RBM6: variants seen among roughly 807,000 people sequenced by gnomAD.
RBM6 encodes the protein RNA binding motif protein 6.
RBM6 carries 23 observed loss-of-function variants against 140.4 expected under a neutral mutation model. The observed-to-expected ratio is 0.16, with a 90% confidence interval of 0.12 to 0.23. RBM6 has a LOEUF of 0.23. Ranked by LOEUF, RBM6 falls within the 10% of genes least tolerant of loss-of-function variation. The probability of loss-of-function intolerance (pLI) is 1.00; values close to 1 mark genes in which losing one functional copy is unlikely to be tolerated. For missense variants in RBM6, 1,139 were observed against 1,386.7 expected (o/e 0.82, Z 2.84); for synonymous variants, 439 against 475.6 (o/e 0.92, Z 1.00).
intron 1 of RBM6, among the ~76,000 whole-genome samples, chr3:49,945,881 C>CAAAAAAAAAA (rs67271820): frequency 2.9e-4 from 18 of 61,852 alleles, no homozygotes; most frequent in East Asian, 1.1e-3. Flanking sequence ...GACTCCATCT[C>CAAAAAAAAAA]AAAAAAAAAA....
intron 6 of RBM6, among the ~76,000 whole-genome samples, chr3:50,019,536 A>G (rs550996117): frequency 1.3e-5 from 2 of 150,852 alleles, no homozygotes; most frequent in South Asian, 2.1e-4. Flanking sequence ...TTTTCTTCCT[A>G]TAGAGATAGG....
At chr3:50,012,292 C>A (rs141251856) in intron 6 of RBM6, among the ~76,000 whole-genome samples, 80 of 152,250 alleles carry the variant, frequency 5.3e-4, no homozygotes, top group Non-Finnish European at 8.7e-4. Context: ...AAGTGATCCT[C>A]CCACCTTGGT....
chr3:49,957,870 C>T (rs1358311511), intron 1 of RBM6, among the ~76,000 whole-genome samples: 13 of 144,480 alleles, frequency 9.0e-5, no homozygotes, highest in African/African-American at 3.1e-4. Context: ...CTCGCTCTTT[C>T]GCCCAGGCTG....
intron 13 of RBM6, 54 bp downstream of exon 13, chr3:50,061,275 ATTAC>A: frequency 6.2e-7 from 1 of 1,611,290 alleles, no homozygotes; most frequent in Non-Finnish European, 8.5e-7. Flanking sequence ...CTTGCTACTC[ATTAC>A]TTGACATCTG....
At chr3:49,984,264 C>T (rs765685989) in intron 5 of RBM6, among the ~76,000 whole-genome samples, 2 of 152,082 alleles carry the variant, frequency 1.3e-5, no homozygotes, top group Non-Finnish European at 2.9e-5. Flanking sequence ...GATCATGCCA[C>T]TGCACTCCAG....
intron 1 of RBM6, among the ~76,000 whole-genome samples, chr3:49,959,763 G>T (rs2084198575): frequency 6.6e-6 from 1 of 151,484 alleles, no homozygotes. Flanking sequence ...GTAGAGACGG[G>T]GTGTCACCAT....
At chr3:49,978,264 G>A (rs1235410541) in intron 5 of RBM6, among the ~76,000 whole-genome samples, 1 of 152,154 alleles carries the variant, frequency 6.6e-6, no homozygotes, top group Admixed American at 6.5e-5. Context: ...TCCTCCCACA[G>A]TGCTGGGATT....
chr3:50,073,632 A>G (rs1027247559), intron 19 of RBM6, among the ~76,000 whole-genome samples: 7 of 152,180 alleles, frequency 4.6e-5, no homozygotes, highest in African/African-American at 1.7e-4. Context: ...TCCTACTCCC[A>G]GTCTTTGCTC....
chr3:49,944,848 A>T (rs1230309904), intron 1 of RBM6, among the ~76,000 whole-genome samples: 1 of 151,272 alleles, frequency 6.6e-6, no homozygotes, highest in Non-Finnish European at 1.5e-5. Context: ...CAATTGACAG[A>T]GCAAATGGTA....
chr3:50,072,963 C>T (rs2090350973), intron 19 of RBM6, among the ~76,000 whole-genome samples: 1 of 152,116 alleles, frequency 6.6e-6, no homozygotes, highest in African/African-American at 2.4e-5. Context: ...TGGATAAATC[C>T]AGGTGTTCTC....
rs1256723648 is a variant in RBM6, at chr3:50,066,452, C to A, written c.2893C>A (p.Pro965Thr). The part of the protein sequence containing the change: ...LACLLCRRQF[P>T]NKEVLIKHQQ... The stretch of plus-strand genomic sequence containing the variant: ...TTGTCTGCTTTGCAGAAGGCAGTTT[C>A]CCAATAAAGAAGTTCTGATCAAACA... Residue 965 changes from proline (P) to threonine (T), a missense_variant, in exon 17 of 21, where the codon CCC (proline) becomes ACC (threonine). By Grantham distance (38) the Pro-to-Thr change is conservative. This residue lies in a region of RBM6 where 40 missense variants were observed against 80.1 expected (regional missense o/e 0.50). Transcript: ENST00000266022. 1 of 1,613,768 alleles carries A rather than the reference C, an allele frequency of 6.2e-7. No individual in the cohort carries two copies. The highest frequency in any genetic ancestry group is 1.7e-5 in the Admixed American group (1 of 60,012).
At chr3:49,952,340 A>G (rs34630302) in intron 1 of RBM6, among the ~76,000 whole-genome samples, 4,433 of 149,846 alleles carry the variant, frequency 0.03, 219 homozygotes, top group African/African-American at 0.1. Flanking sequence ...CAGTTTTTGT[A>G]TTTTTAATAG....
chr3:50,035,212 A>G lies in RBM6; in HGVS notation c.1558-13033A>G, dbSNP rs571423349. Among the ~76,000 whole-genome samples the G allele has an allele frequency of 1.2e-4, 18 of 152,190 alleles. No individual in the cohort carries two copies. In the East Asian group the frequency reaches 2.3e-3, roughly 20 times the overall value. ...AGGAGAGACCAAGGCAAGTTTTACA[A>G]CAGGAGAGAGTTTATTTAAAAGCTT... On this transcript the variant is annotated intron_variant, in intron 6 of 20. Transcript: ENST00000266022.
intron 6 of RBM6, among the ~76,000 whole-genome samples, chr3:50,012,099 G>T (rs2086876607): frequency 6.6e-6 from 1 of 152,072 alleles, no homozygotes; most frequent in African/African-American, 2.4e-5. Flanking sequence ...AATCCTTCCT[G>T]CCTCACCTTC....
chr3:50,075,436 A>G (rs946356121), intron 20 of RBM6, 106 bp downstream of exon 20: 17 of 1,439,776 alleles, frequency 1.2e-5, no homozygotes, highest in South Asian at 2.6e-5. Context: ...GGCTTTCTCT[A>G]CTGCTGGGAT....
intron 6 of RBM6, among the ~76,000 whole-genome samples, chr3:50,033,089 G>A (rs2088279182): frequency 6.6e-6 from 1 of 151,884 alleles, no homozygotes; most frequent in Admixed American, 6.6e-5. Context: ...CTGAGGTCAG[G>A]AGTTTGAGAC....
At chr3:50,018,599 T>G (rs894903010) in intron 6 of RBM6, among the ~76,000 whole-genome samples, 4 of 137,270 alleles carry the variant, frequency 2.9e-5, no homozygotes, top group African/African-American at 1.1e-4. Flanking sequence ...TTTTTTTTTT[T>G]TTTTTTTTTT....
chr3:49,999,312 G>A, intron 5 of RBM6, 128 bp from the exon 6 acceptor site: 2 of 742,568 alleles, frequency 2.7e-6, no homozygotes, highest in East Asian at 2.5e-5. Context: ...TTTACCTAGT[G>A]TAGGGGAGGG....
intron 6 of RBM6, among the ~76,000 whole-genome samples, chr3:50,026,758 CA>C (rs2087850582): frequency 6.6e-6 from 1 of 151,496 alleles, no homozygotes; most frequent in Non-Finnish European, 1.5e-5. Flanking sequence ...CCAAAAAATA[CA>C]AAAATTAGGC....
Sources: allele counts gnomAD v4.1 joint callset (sites outside exome capture counted in the v4.1 genomes callset), GRCh38; gene constraint gnomAD v4.1.1; regional missense constraint gnomAD v4.1.1; transcripts MANE v1.5; gene names NCBI Gene and HGNC (gene_info 2026-07-23, HGNC 2026-07-21).